Variants in SLC25A4 observed in about 807,000 individuals in gnomAD.
SLC25A4 encodes solute carrier family 25 member 4.
SLC25A4 carries 10 observed loss-of-function variants against 24.7 expected under a neutral mutation model. The observed-to-expected ratio is 0.41, with a 90% CI of 0.25 to 0.69. The LOEUF (loss-of-function observed/expected upper bound fraction) is 0.69. SLC25A4 is among the 30% of genes least tolerant of loss of function. The pLI is 0.35. For missense variants in SLC25A4, 273 were observed against 387.6 expected (o/e 0.70, Z 2.48); for synonymous variants, 125 against 153.3 (o/e 0.82, Z 1.36).
In SLC25A4 at chr4:185,148,266, A is replaced by G. The variant is rs901476905; in HGVS notation, c.*1295A>G. The G allele has an allele frequency of 1.3e-5, 2 of 152,020 alleles. No homozygotes were observed. Among genetic ancestry groups the G allele is most frequent in the African/African-American group, 4.8e-5 (2 of 41,382 alleles). 9.4% of individuals were successfully genotyped at this position (152,020 alleles called of 1,614,324 possible). A position where few individuals can be genotyped will look rare whatever the true frequency, so the allele number is the denominator to read the frequency against. The stretch of plus-strand genomic sequence containing the variant: ...ATGAGGGCCCTACCCTCATGACCCA[A>G]TTACCTCCCAAATGCCCCTCCTCCA... On this transcript the variant is annotated 3_prime_UTR_variant, in exon 4 of 4. Transcript: ENST00000281456.
In SLC25A4 at chr4:185,146,977, T is replaced by C. The variant is rs1734453319; in HGVS notation, c.*6T>C. The C allele has an allele frequency of 6.2e-7, 1 of 1,613,014 alleles. No homozygotes were observed. The highest frequency in any genetic ancestry group is 8.5e-7 in the Non-Finnish European group (1 of 1,179,184). ...AGATCAAAAAATATGTCTAATGTAA[T>C]TAAAACACAAGTTCACAGATTTACA... On this transcript the variant is annotated 3_prime_UTR_variant, in exon 4 of 4. Transcript: ENST00000281456.
chr4:185,147,974 C>T lies in SLC25A4; in HGVS notation c.*1003C>T, dbSNP rs1734471819. 1 of 149,260 alleles carries T rather than the reference C, an allele frequency of 6.7e-6. No individual in the cohort carries two copies. Among genetic ancestry groups the T allele is most frequent in the Non-Finnish European group, 1.5e-5 (1 of 67,546 alleles). 9.2% of individuals were successfully genotyped at this position (149,260 alleles called of 1,614,324 possible). ...CCATCCTAAGCGACAGGGCAAGACT[C>T]TGTCTCAAAAAAAAAAAAAAGAAAG... On this transcript the variant is annotated 3_prime_UTR_variant, in exon 4 of 4. Transcript: ENST00000281456.
chr4:185,146,820 T>G lies in SLC25A4; in HGVS notation c.746T>G (p.Ile249Ser). Residue 249 changes from isoleucine to serine, a missense_variant, in exon 4 of 4, where the codon ATT (isoleucine) becomes AGT (serine). Physicochemically the swap from Ile to Ser is moderately radical, Grantham distance 142. Coordinates refer to ENST00000281456, the MANE Select transcript of SLC25A4 (RefSeq NM_001151.4). The stretch of plus-strand genomic sequence containing the variant: ...CCAGCATTTGTTTCCACAGCCGATA[T>G]TATGTACACGGGGACAGTTGACTGC... Reference protein sequence around the residue: ...MMQSGRKGADIMYTGTVDCWR... With the variant: ...MMQSGRKGADSMYTGTVDCWR... 1.2e-6 allele frequency: 2 copies of G among 1,614,200 alleles called. No individual in the cohort carries two copies. The highest frequency in any genetic ancestry group is 8.5e-7 in the Non-Finnish European group (1 of 1,180,030).
In SLC25A4 at chr4:185,147,305, A is replaced by G. The variant is rs1319802312; in HGVS notation, c.*334A>G. 2 of 234,976 alleles carry G rather than the reference A, an allele frequency of 8.5e-6. No individual in the cohort carries two copies. Among genetic ancestry groups the G allele is most frequent in the Non-Finnish European group, 1.7e-5 (2 of 119,234 alleles). The allele number at this position is 234,976 out of a possible 1,614,324, so 14.6% of individuals were successfully genotyped here. A position where few individuals can be genotyped will look rare whatever the true frequency, so the allele number is the denominator to read the frequency against. The stretch of plus-strand genomic sequence containing the variant: ...ATTTTATTGAACTCTTATTAACTGT[A>G]AAATGCATTTTTAAAAGATCAAAAA... On this transcript the variant is annotated 3_prime_UTR_variant, in exon 4 of 4. Coordinates refer to ENST00000281456, the MANE Select transcript of SLC25A4 (RefSeq NM_001151.4).
chr4:185,145,099 C>G lies in SLC25A4; in HGVS notation c.447C>G (p.Ala149=), dbSNP rs752640906. Residue 149 remains alanine (A), a synonymous_variant, in exon 2 of 4, where the codon GCC becomes GCG. Coordinates refer to ENST00000281456, the MANE Select transcript of SLC25A4 (RefSeq NM_001151.4). The surrounding 1 kb of genome is among the most constrained non-coding windows in gnomAD (Gnocchi z 5.5). The stretch of plus-strand genomic sequence containing the variant: ...TGGCTGCTGATGTGGGCAAGGGCGC[C>G]GCCCAGCGTGAGTTCCATGGTCTGG... ...TRLAADVGKG[A]AQREFHGLGD... 9 of 1,613,134 alleles carry G rather than the reference C, an allele frequency of 5.6e-6. No individual in the cohort carries two copies. Among genetic ancestry groups the G allele is most frequent in the Non-Finnish European group, 7.6e-6 (9 of 1,179,294 alleles).
At position 185,147,207 on chromosome 4, in the gene SLC25A4, T is replaced by G; in HGVS notation, c.*236T>G. 2.1e-6 allele frequency: 1 copy of G among 477,704 alleles called. No individual in the cohort carries two copies. The highest frequency in any genetic ancestry group is 3.7e-6 in the Non-Finnish European group (1 of 267,180). 29.6% of individuals were successfully genotyped at this position (477,704 alleles called of 1,614,324 possible). Reference sequence around the variant, plus strand: ...CAAATAGAAAATAATTTATCATACTTGTACAATTAACTGAAGAATTGATAA... The same window carrying G: ...CAAATAGAAAATAATTTATCATACTGGTACAATTAACTGAAGAATTGATAA... On this transcript the variant is annotated 3_prime_UTR_variant, in exon 4 of 4. Coordinates refer to ENST00000281456, the MANE Select transcript of SLC25A4 (RefSeq NM_001151.4).
At position 185,145,605 on chromosome 4, in the gene SLC25A4, G is replaced by C; in HGVS notation, c.599-154G>C. 1.1e-6 allele frequency: 1 copy of C among 915,270 alleles called. No individual in the cohort carries two copies. The highest frequency in any genetic ancestry group is 1.7e-6 in the Non-Finnish European group (1 of 605,504). 56.7% of individuals were successfully genotyped at this position (915,270 alleles called of 1,614,324 possible). A position where few individuals can be genotyped will look rare whatever the true frequency, so the allele number is the denominator to read the frequency against. ...GGAGAGGGCAGCAGCCACCTTTGCT[G>C]TCTGCCTGGTCATATGTGAAGCACC... On this transcript the variant is annotated intron_variant, in intron 2 of 3. Transcript: ENST00000281456. The surrounding 1 kb of genome is among the most constrained non-coding windows in gnomAD (Gnocchi z 5.5).
intron 3 of SLC25A4, 26 bp from the exon 4 acceptor site, chr4:185,146,788 G>A: frequency 6.2e-7 from 1 of 1,613,952 alleles, no homozygotes; most frequent in Non-Finnish European, 8.5e-7. Flanking sequence ...GCGTTACGGA[G>A]CCCTCACCAG....
rs1560841884 is a variant in SLC25A4 at position 185,145,106 on chromosome 4, C to T, written c.454C>T (p.Arg152Cys). ...AADVGKGAAQREFHGLGDCII... is the reference protein window; with the variant it reads ...AADVGKGAAQCEFHGLGDCII... ...TGATGTGGGCAAGGGCGCCGCCCAG[C>T]GTGAGTTCCATGGTCTGGGCGACTG... The change falls in exon 2 of 4, where the codon CGT becomes TGT. Residue 152 changes from arginine (R) to cysteine (C), a missense_variant. Transcript: ENST00000281456. This position sits in a 1 kb window ranked among gnomAD's most constrained non-coding sequence, Gnocchi z 5.5. The T allele has an allele frequency of 1.9e-6, 3 of 1,612,838 alleles. No homozygotes were observed. Among genetic ancestry groups the T allele is most frequent in the Admixed American group, 1.7e-5 (1 of 59,942 alleles).
At position 185,143,266 on chromosome 4, in the gene SLC25A4, G is replaced by A; in HGVS notation, c.-107G>A. 1 of 584,228 alleles carries A rather than the reference G, an allele frequency of 1.7e-6. No homozygotes were observed. The highest frequency in any genetic ancestry group is 3.1e-6 in the Non-Finnish European group (1 of 324,864). 36.2% of individuals were successfully genotyped at this position (584,228 alleles called of 1,614,324 possible). A position where few individuals can be genotyped will look rare whatever the true frequency, so the allele number is the denominator to read the frequency against. On this transcript the variant is annotated 5_prime_UTR_variant, in exon 1 of 4. Transcript: ENST00000281456. Reference sequence around the variant, plus strand: ...AAGGGGGAGCTGCGGGCCAGGCGGCGGCCCCCTAGCGTCGCGCAGGGTCGG... The same window carrying A: ...AAGGGGGAGCTGCGGGCCAGGCGGCAGCCCCCTAGCGTCGCGCAGGGTCGG...
Position 185,143,444 on chromosome 4 carries a change from C to G in SLC25A4, c.72C>G (p.Thr24=), listed in dbSNP as rs910320605. Residue 24 remains threonine (T), a synonymous_variant, in exon 1 of 4, where the codon ACC becomes ACG. Transcript: ENST00000281456. ...GCGTCGCCGCTGCCGTCTCCAAGAC[C>G]GCGGTCGCCCCCATCGAGAGGGTCA... ...AGGVAAAVSK[T]AVAPIERVKL... The G allele has an allele frequency of 1.4e-5, 21 of 1,510,756 alleles. No individual in the cohort carries two copies. In the African/African-American group the frequency reaches 2.7e-4, roughly 20 times the overall value. The allele number at this position is 1,510,756 out of a possible 1,614,324, so 93.6% of individuals were successfully genotyped here.
chr4:185,148,043 A>T lies in SLC25A4; in HGVS notation c.*1072A>T, dbSNP rs2111288758. 1 of 152,250 alleles carries T rather than the reference A, an allele frequency of 6.6e-6. No individual in the cohort carries two copies. Among genetic ancestry groups the T allele is most frequent in the Admixed American group, 6.5e-5 (1 of 15,300 alleles). The allele number at this position is 152,250 out of a possible 1,614,324, so 9.4% of individuals were successfully genotyped here. A position where few individuals can be genotyped will look rare whatever the true frequency, so the allele number is the denominator to read the frequency against. On this transcript the variant is annotated 3_prime_UTR_variant, in exon 4 of 4. Transcript: ENST00000281456. ...TTAAGCTACTATAACAAGGTACTGT[A>T]GACTGATGGCTTATAAGCAACAGAA...
At chr4:185,146,205 G>T (rs1734440621) in intron 3 of SLC25A4, among the ~76,000 whole-genome samples, 3 of 152,030 alleles carry the variant, frequency 2.0e-5, no homozygotes, top group Admixed American at 2.0e-4. Flanking sequence ...CAAAAGCTAG[G>T]GAAAAGAAGT....
rs1037150884 is a variant in SLC25A4, at chr4:185,150,174, T to C, written c.*3203T>C. On this transcript the variant is annotated 3_prime_UTR_variant, in exon 4 of 4. Coordinates refer to ENST00000281456, the MANE Select transcript of SLC25A4 (RefSeq NM_001151.4). ...AGCAAGTTTCTGCTGAATGGAAGAG[T>C]GAGCGAGAAGGGAAAGTGCATCTAA... is the stretch of plus-strand genomic sequence containing the variant. 1 of 152,046 alleles carries C rather than the reference T, an allele frequency of 6.6e-6. No homozygotes were observed. Among genetic ancestry groups the C allele is most frequent in the Non-Finnish European group, 1.5e-5 (1 of 68,010 alleles). The allele number at this position is 152,046 out of a possible 1,614,324, so 9.4% of individuals were successfully genotyped here.
In SLC25A4 at chr4:185,150,294, G is replaced by A. The variant is rs979478625; in HGVS notation, c.*3323G>A. The A allele has an allele frequency of 6.6e-6, 1 of 152,218 alleles. No homozygotes were observed. Among genetic ancestry groups the A allele is most frequent in the African/African-American group, 2.4e-5 (1 of 41,462 alleles). 9.4% of individuals were successfully genotyped at this position (152,218 alleles called of 1,614,324 possible). On this transcript the variant is annotated 3_prime_UTR_variant, in exon 4 of 4. Coordinates refer to ENST00000281456, the MANE Select transcript of SLC25A4 (RefSeq NM_001151.4). ...AAGCACCATGGGGGTGGCTGGACAGGCTTGTTGGAGTCGTATAATGCAATG... is the reference window on the plus strand; with the variant it reads ...AAGCACCATGGGGGTGGCTGGACAGACTTGTTGGAGTCGTATAATGCAATG...
In SLC25A4 at chr4:185,150,093, G is replaced by C. The variant is rs140827011; in HGVS notation, c.*3122G>C. The C allele has an allele frequency of 6.6e-6, 1 of 152,276 alleles. No individual in the cohort carries two copies. The highest frequency in any genetic ancestry group is 1.5e-5 in the Non-Finnish European group (1 of 68,054). 9.4% of individuals were successfully genotyped at this position (152,276 alleles called of 1,614,324 possible). On this transcript the variant is annotated 3_prime_UTR_variant, in exon 4 of 4. Coordinates refer to ENST00000281456, the MANE Select transcript of SLC25A4 (RefSeq NM_001151.4). ...CAAGGCTGCAAGAGAATCGAGCGCC[G>C]CAAGGCGAGCTTATCTTCCACACCT...
Position 185,145,894 on chromosome 4 carries a change from A to G in SLC25A4, c.734A>G (p.Lys245Arg). 2 of 1,614,090 alleles carry G rather than the reference A, an allele frequency of 1.2e-6. No homozygotes were observed. Among genetic ancestry groups the G allele is most frequent in the Middle Eastern group, 3.3e-4 (2 of 6,062 alleles). ...RRRMMMQSGR[K>R]GADIMYTGTV... is the part of the protein sequence containing the mutation. ...AGAATGATGATGCAGTCCGGCCGGAAAGGGGGTAAGCTTGTGCTCTACTCA... is the reference window on the plus strand; with the variant it reads ...AGAATGATGATGCAGTCCGGCCGGAGAGGGGGTAAGCTTGTGCTCTACTCA... Residue 245 changes from lysine to arginine, a missense_variant, in exon 3 of 4, where the codon AAA becomes AGA. By Grantham distance (26) the Lys-to-Arg change is conservative (BLOSUM62 2). Transcript: ENST00000281456. The surrounding 1 kb of genome is among the most constrained non-coding windows in gnomAD (Gnocchi z 5.5).
At position 185,150,137 on chromosome 4, in the gene SLC25A4, G is replaced by C. The variant is rs759840559; in HGVS notation, c.*3166G>C. ...CACACCTGGTACAGTGCCCAGGACA[G>C]AGAAGGTGTTTAGCAAGTTTCTGCT... On this transcript the variant is annotated 3_prime_UTR_variant, in exon 4 of 4. Transcript: ENST00000281456. 4 of 152,278 alleles carry C rather than the reference G, an allele frequency of 2.6e-5. No homozygotes were observed. The highest frequency in any genetic ancestry group is 4.8e-5 in the African/African-American group (2 of 41,472). 9.4% of individuals were successfully genotyped at this position (152,278 alleles called of 1,614,324 possible).
rs1441475685 is a variant in SLC25A4, at chr4:185,147,954, C to T, written c.*983C>T. 2 of 150,888 alleles carry T rather than the reference C, an allele frequency of 1.3e-5. No individual in the cohort carries two copies. The highest frequency in any genetic ancestry group is 2.4e-5 in the African/African-American group (1 of 40,934). 9.3% of individuals were successfully genotyped at this position (150,888 alleles called of 1,614,324 possible). A position where few individuals can be genotyped will look rare whatever the true frequency, so the allele number is the denominator to read the frequency against. On this transcript the variant is annotated 3_prime_UTR_variant, in exon 4 of 4. Transcript: ENST00000281456. ...GAGATGGCATGCCACCACATCCATC[C>T]TAAGCGACAGGGCAAGACTCTGTCT...
Sources: allele counts gnomAD v4.1 joint callset (sites outside exome capture counted in the v4.1 genomes callset), GRCh38; gene constraint gnomAD v4.1.1; non-coding constraint Gnocchi (gnomAD v3.1); transcripts MANE v1.5; gene names NCBI Gene and HGNC (gene_info 2026-07-23, HGNC 2026-07-21).